Variants in GABRA2 observed in about 807,000 individuals in gnomAD.
The protein encoded by GABRA2 is gamma-aminobutyric acid type A receptor subunit alpha2.
In GABRA2, 16 loss-of-function variants were observed where a neutral mutation model predicts 48.7. The observed-to-expected ratio is 0.33, with a 90% CI of 0.22 to 0.50. GABRA2 has a LOEUF of 0.50. Among genes scored for constraint, GABRA2 ranks in the 20% least tolerant of loss-of-function variants. The pLI, the probability that GABRA2 is intolerant of heterozygous loss-of-function variation, is 0.98. For missense variants in GABRA2, 275 were observed against 535.6 expected, an observed-to-expected ratio of 0.51 and a Z score of 4.80; for synonymous variants, 185 against 184.5, an observed-to-expected ratio of 1.00 and a Z score of -0.02.
At chr4:46,314,870 T>C (rs1728278975) in intron 4 of GABRA2, among the ~76,000 whole-genome samples, 1 of 152,068 alleles carries the variant, frequency 6.6e-6, no homozygotes, top group Admixed American at 6.6e-5. Flanking sequence ...AATCGAATTT[T>C]CTTTATCCAA....
At chr4:46,263,901 C>T (rs1489177068) in intron 8 of GABRA2, among the ~76,000 whole-genome samples, 1 of 145,154 alleles carries the variant, frequency 6.9e-6, no homozygotes, top group African/African-American at 2.6e-5. Flanking sequence ...GATATATTTC[C>T]ATTAGATCAA....
intron 8 of GABRA2, among the ~76,000 whole-genome samples, chr4:46,280,903 T>C (rs1721406377): frequency 6.6e-6 from 1 of 152,134 alleles, no homozygotes; most frequent in African/African-American, 2.4e-5. Flanking sequence ...AAAGGCCATA[T>C]GAGAACATAG....
chr4:46,380,491 C>T (rs963903802), intron 3 of GABRA2, among the ~76,000 whole-genome samples: 1 of 152,098 alleles, frequency 6.6e-6, no homozygotes, highest in Admixed American at 6.5e-5. Flanking sequence ...CCAACAATAA[C>T]GATAATAATT....
intron 3 of GABRA2, among the ~76,000 whole-genome samples, chr4:46,353,082 CT>C (rs1735402342): frequency 6.6e-6 from 1 of 152,062 alleles, no homozygotes; most frequent in East Asian, 1.9e-4. Flanking sequence ...TCACTGTTCT[CT>C]TTTAAGTGTG....
intron 8 of GABRA2, among the ~76,000 whole-genome samples, chr4:46,268,077 AC>A (rs1718605509): frequency 1.3e-5 from 2 of 152,134 alleles, no homozygotes; most frequent in Non-Finnish European, 2.9e-5. Flanking sequence ...GAAAACAACA[AC>A]AACAACAATA....
chr4:46,280,562 A>G (rs371068035), intron 8 of GABRA2, among the ~76,000 whole-genome samples: 64 of 152,286 alleles, frequency 4.2e-4, no homozygotes, highest in African/African-American at 1.4e-3. Flanking sequence ...CACAAGTATG[A>G]CATTGATCTG....
rs537155301 is a variant in GABRA2 at position 46,318,468 on chromosome 4, C to T, written c.256-5752G>A. ...TGCATAGCCACTAAGTACAAGATTT[C>T]CAAATAAATTATTTTCATGTGATTC... On this transcript the variant is annotated intron_variant, in intron 4 of 9. Coordinates refer to ENST00000381620, the MANE Select transcript of GABRA2 (RefSeq NM_000807.4). Among the ~76,000 whole-genome samples the T allele has an allele frequency of 1.8e-4, 27 of 151,510 alleles. No homozygotes were observed. The South Asian group carries it at 4.1e-3, about 23-fold the overall frequency.
intron 3 of GABRA2, among the ~76,000 whole-genome samples, chr4:46,357,974 G>C (rs1736278730): frequency 1.3e-5 from 2 of 152,088 alleles, no homozygotes; most frequent in South Asian, 4.2e-4. Context: ...CTTTCATACA[G>C]TAAAATTGAA....
chr4:46,357,003 T>A (rs982830705), intron 3 of GABRA2, among the ~76,000 whole-genome samples: 5 of 151,818 alleles, frequency 3.3e-5, no homozygotes, highest in Admixed American at 1.3e-4. Flanking sequence ...TTTTGTTTTG[T>A]TTTTGTTGTT....
In GABRA2 at chr4:46,266,750, C is replaced by G. The variant is rs1718330591; in HGVS notation, c.857-4622G>C. On this transcript the variant is annotated intron_variant, in intron 8 of 9. Transcript: ENST00000381620. ...TTTTTTTTTTTTTTTGAGATGGAGT[C>G]TCAGTCTGTCACCCAGGCTAGAGGG... is the stretch of plus-strand genomic sequence containing the variant. 3.6e-5 allele frequency among the ~76,000 whole-genome samples: 4 copies of G among 110,252 alleles called. No homozygotes were observed. In the South Asian group the frequency reaches 1.3e-3, roughly 34 times the overall value. The allele number at this position is 110,252 out of a possible 152,430, so 72.3% of individuals were successfully genotyped here. A position where few individuals can be genotyped will look rare whatever the true frequency, so the allele number is the denominator to read the frequency against.
chr4:46,351,699 A>C (rs1276479787), intron 3 of GABRA2, among the ~76,000 whole-genome samples: 3 of 152,054 alleles, frequency 2.0e-5, no homozygotes, highest in Non-Finnish European at 4.4e-5. Context: ...TGAAATGAAA[A>C]GCTGTATTTA....
At chr4:46,256,106 T>TA (rs1186806970) in intron 9 of GABRA2, 1 of 441,276 alleles carries the variant, frequency 2.3e-6, no homozygotes, top group Non-Finnish European at 4.0e-6. Flanking sequence ...GAAAGCTCAT[T>TA]ACTTGTAAAA....
chr4:46,294,047 A>T (rs1724181964), intron 8 of GABRA2, among the ~76,000 whole-genome samples: 1 of 152,208 alleles, frequency 6.6e-6, no homozygotes, highest in Admixed American at 6.5e-5. Flanking sequence ...CTTGTCCATA[A>T]GGCCCACCAG....
At chr4:46,271,004 A>T (rs942853172) in intron 8 of GABRA2, among the ~76,000 whole-genome samples, 2 of 151,776 alleles carry the variant, frequency 1.3e-5, no homozygotes, top group African/African-American at 4.8e-5. Flanking sequence ...TAAAAAAAAA[A>T]AAATACTTCA....
At chr4:46,279,677 G>C (rs1721142506) in intron 8 of GABRA2, among the ~76,000 whole-genome samples, 1 of 151,712 alleles carries the variant, frequency 6.6e-6, no homozygotes, top group Non-Finnish European at 1.5e-5. Flanking sequence ...TCATTATTTG[G>C]ACTATCCTAA....
intron 5 of GABRA2, among the ~76,000 whole-genome samples, chr4:46,311,764 A>C (rs1162858730): frequency 6.6e-6 from 1 of 152,182 alleles, no homozygotes; most frequent in Admixed American, 6.5e-5. Context: ...ATTTAAATTA[A>C]AGTTATTTTT....
At chr4:46,317,476 T>C (rs1400035653) in intron 4 of GABRA2, among the ~76,000 whole-genome samples, 1 of 151,686 alleles carries the variant, frequency 6.6e-6, no homozygotes, top group Non-Finnish European at 1.5e-5. Flanking sequence ...TAAATTAAGG[T>C]CATGTTTATA....
chr4:46,267,276 T>G (rs1437704133), intron 8 of GABRA2, among the ~76,000 whole-genome samples: 1 of 152,004 alleles, frequency 6.6e-6, no homozygotes, highest in Admixed American at 6.6e-5. Context: ...TTATGATAAT[T>G]TGAACTACAG....
chr4:46,383,092 C>T (rs1290888727), intron 3 of GABRA2, among the ~76,000 whole-genome samples: 1 of 151,882 alleles, frequency 6.6e-6, no homozygotes. Context: ...ATAATTTAAA[C>T]TTGAAACAGT....
Sources: gnomAD v4.1 joint callset for allele counts (sites outside exome capture counted in the v4.1 genomes callset) on GRCh38, gnomAD v4.1.1 for gene constraint, MANE v1.5 for transcripts, NCBI Gene and HGNC (gene_info 2026-07-23, HGNC 2026-07-21) for gene names.